Variants in ZYG11A observed in about 807,000 individuals in gnomAD.
The protein encoded by ZYG11A is protein zyg-11 homolog A.
Under a neutral mutation model 77.2 loss-of-function variants are expected in ZYG11A, and 62 were observed. The ratio of observed to expected loss-of-function variants is 0.80; its 90% confidence interval spans 0.65 to 0.99. The LOEUF (loss-of-function observed/expected upper bound fraction) is 0.99. Among genes scored for constraint, ZYG11A ranks in the 50% least tolerant of loss-of-function variants. The probability of loss-of-function intolerance (pLI) is 0.00; values close to 1 mark genes in which losing one functional copy is unlikely to be tolerated. For missense variants in ZYG11A, 828 were observed against 896.8 expected, an observed-to-expected ratio of 0.92 and a Z score of 0.98; for synonymous variants, 315 against 324.6, an observed-to-expected ratio of 0.97 and a Z score of 0.32.
chr1:52,869,451 C>G (rs80000076), intron 8 of ZYG11A, among the ~76,000 whole-genome samples: 1 of 151,018 alleles, frequency 6.6e-6, no homozygotes, highest in Admixed American at 6.6e-5. Flanking sequence ...TGACTCTTAA[C>G]GAGCCTGCTG....
chr1:52,852,815 T>C (rs147194004), intron 1 of ZYG11A, among the ~76,000 whole-genome samples: 1 of 152,196 alleles, frequency 6.6e-6, no homozygotes. Context: ...TTAAATGTGC[T>C]CAGAACTCTT....
intron 4 of ZYG11A, 29 bp from the exon 5 acceptor site, chr1:52,863,952 A>T: frequency 6.5e-7 from 1 of 1,536,076 alleles, no homozygotes; most frequent in Non-Finnish European, 8.8e-7. Flanking sequence ...TACTGGCATC[A>T]TATGCACTAA....
intron 1 of ZYG11A, among the ~76,000 whole-genome samples, chr1:52,843,177 A>G (rs1457144712): frequency 6.7e-6 from 1 of 149,872 alleles, no homozygotes; most frequent in Non-Finnish European, 1.5e-5. Context: ...GGCGCCGCGG[A>G]GCGGGGGGTG....
In ZYG11A at chr1:52,887,130, T is replaced by A. The variant is rs1571883231; in HGVS notation, c.2104+77T>A. 4.0e-6 allele frequency: 3 copies of A among 753,336 alleles called. No homozygotes were observed. In the African/African-American group the frequency reaches 5.3e-5, roughly 13 times the overall value. The allele number at this position is 753,336 out of a possible 1,614,324, so 46.7% of individuals were successfully genotyped here. ...GTGTAATGATTAAGTTCAAGATGGA[T>A]GTGCAAAAATTGTCTACCTCTGTCC... On this transcript the variant is annotated intron_variant, in intron 13 of 13. Transcript: ENST00000371528.
chr1:52,853,596 G>C (rs1645754290), intron 1 of ZYG11A, among the ~76,000 whole-genome samples: 1 of 152,138 alleles, frequency 6.6e-6, no homozygotes, highest in Admixed American at 6.6e-5. Flanking sequence ...CAGAACAGGT[G>C]ATAAGTAAAG....
Position 52,881,585 on chromosome 1 carries a change from G to C in ZYG11A, c.1864G>C (p.Gly622Arg), listed in dbSNP as rs1646362854. The C allele has an allele frequency of 6.4e-7, 1 of 1,552,248 alleles. No homozygotes were observed. Among genetic ancestry groups the C allele is most frequent in the Non-Finnish European group, 8.7e-7 (1 of 1,147,092 alleles). Residue 622 changes from glycine (G) to arginine (R), a missense_variant, in exon 11 of 14, where the codon GGT becomes CGT. By Grantham distance (125) the Gly-to-Arg change is moderately radical. Transcript: ENST00000371528. ...AATGGAAGTCAGCTATTTTGCTGCA[G>C]GTATCATAGCCCACCTGACATCTGA... ...REMEVSYFAA[G>R]IIAHLTSDRQ...
chr1:52,847,880 ATTTTTTT>A lies in ZYG11A; in HGVS notation c.90+4908_90+4914del, dbSNP rs1458859828. On this transcript the variant is annotated intron_variant, in intron 1 of 13. Coordinates refer to ENST00000371528, the MANE Select transcript of ZYG11A (RefSeq NM_001004339.3). ...TATTTATTTATTTATTTATTTATTT[ATTTTTTT>A]GAGATGGAGTCTCGCTCTGTCGCCT... Among the ~76,000 whole-genome samples, 24 of 42,800 alleles carry A rather than the reference ATTTTTTT, an allele frequency of 5.6e-4. No individual in the cohort carries two copies. The East Asian group carries it at 5.7e-3, about 10-fold the overall frequency. The allele number at this position is 42,800 out of a possible 152,430, so 28.1% of individuals were successfully genotyped here. A position where few individuals can be genotyped will look rare whatever the true frequency, so the allele number is the denominator to read the frequency against.
Position 52,894,182 on chromosome 1 carries a change from T to A in ZYG11A, c.*1225T>A, listed in dbSNP as rs547988192. On this transcript the variant is annotated 3_prime_UTR_variant, in exon 14 of 14. Transcript: ENST00000371528. ...GAGCATGACATGCTGTGTATGTGAGTGAGCTTGTAGGGCGTGGTGGGACTT... is the reference window on the plus strand; with the variant it reads ...GAGCATGACATGCTGTGTATGTGAGAGAGCTTGTAGGGCGTGGTGGGACTT... The A allele has an allele frequency of 6.6e-6, 1 of 152,098 alleles. No individual in the cohort carries two copies. Among genetic ancestry groups the A allele is most frequent in the South Asian group, 2.1e-4 (1 of 4,808 alleles). 9.4% of individuals were successfully genotyped at this position (152,098 alleles called of 1,614,324 possible).
chr1:52,867,811 A>T (rs1327220275), intron 8 of ZYG11A, 34 bp downstream of exon 8: 24 of 1,513,498 alleles, frequency 1.6e-5, no homozygotes, highest in East Asian at 2.5e-5. Flanking sequence ...ACCTTTTTTT[A>T]AAAAAAGTCA....
Position 52,857,050 on chromosome 1 carries a change from G to A in ZYG11A, c.309G>A (p.Leu103=), listed in dbSNP as rs1645825464. The A allele has an allele frequency of 3.2e-6, 5 of 1,550,056 alleles. No individual in the cohort carries two copies. The highest frequency in any genetic ancestry group is 4.4e-6 in the Non-Finnish European group (5 of 1,145,972). Reference sequence around the variant, plus strand: ...TTTTCCGAGGCAACCAAATGAAACTGAAGCTGGTCAATATCCAAAAAGCTA... The same window carrying A: ...TTTTCCGAGGCAACCAAATGAAACTAAAGCTGGTCAATATCCAAAAAGCTA... The part of the protein sequence containing the change: ...ASIFRGNQMK[L]KLVNIQKAKI... Residue 103 remains leucine, a synonymous_variant, in exon 3 of 14, where the codon CTG becomes CTA. Coordinates refer to ENST00000371528, the MANE Select transcript of ZYG11A (RefSeq NM_001004339.3).
intron 8 of ZYG11A, among the ~76,000 whole-genome samples, chr1:52,876,203 T>C (rs1646258583): frequency 6.6e-6 from 1 of 152,160 alleles, no homozygotes. Context: ...TATTGACAAA[T>C]ACGGTTAAGT....
chr1:52,870,292 C>A lies in ZYG11A; in HGVS notation c.1542+2515C>A, dbSNP rs370515573. On this transcript the variant is annotated intron_variant, in intron 8 of 13. Coordinates refer to ENST00000371528, the MANE Select transcript of ZYG11A (RefSeq NM_001004339.3). ...AGCCAGGCAGAGGGGCTCCTCACAT[C>A]CCAGACAATGGGCGGCCAGGCAGAG... Among the ~76,000 whole-genome samples, 255 of 150,250 alleles carry A rather than the reference C, an allele frequency of 1.7e-3. 7 individuals carry two copies. In the East Asian group the frequency reaches 0.043, roughly 25 times the overall value.
At chr1:52,861,854 A>C (rs1645933402) in intron 4 of ZYG11A, among the ~76,000 whole-genome samples, 1 of 152,114 alleles carries the variant, frequency 6.6e-6, no homozygotes, top group Admixed American at 6.6e-5. Flanking sequence ...CCAGGAGTTC[A>C]AGACTAGCCT....
chr1:52,861,628 C>G (rs549777824), intron 4 of ZYG11A, among the ~76,000 whole-genome samples: 3 of 151,932 alleles, frequency 2.0e-5, no homozygotes, highest in Non-Finnish European at 4.4e-5. Flanking sequence ...CGCTGGAACT[C>G]GGGAGGTGGA....
At chr1:52,852,060 G>A (rs1043031569) in intron 1 of ZYG11A, among the ~76,000 whole-genome samples, 1 of 151,778 alleles carries the variant, frequency 6.6e-6, no homozygotes, top group African/African-American at 2.4e-5. Flanking sequence ...GATTACAGGC[G>A]CCTGCCACCA....
intron 13 of ZYG11A, among the ~76,000 whole-genome samples, chr1:52,891,359 G>T (rs946874269): frequency 1.3e-5 from 2 of 151,572 alleles, no homozygotes; most frequent in African/African-American, 4.9e-5. Flanking sequence ...TGTGTGTTAT[G>T]TTGAGTGGGG....
At chr1:52,845,844 T>G (rs1645564799) in intron 1 of ZYG11A, among the ~76,000 whole-genome samples, 2 of 151,642 alleles carry the variant, frequency 1.3e-5, no homozygotes, top group Admixed American at 1.3e-4. Flanking sequence ...GCCTGGCTGT[T>G]TTTTATTTTT....
chr1:52,847,707 G>GT (rs1295904946), intron 1 of ZYG11A, among the ~76,000 whole-genome samples: 18 of 139,500 alleles, frequency 1.3e-4, no homozygotes, highest in African/African-American at 4.8e-4. Context: ...GTCTCGCTCT[G>GT]TTTCCAGGCT....
At chr1:52,890,772 A>AT (rs1407076429) in intron 13 of ZYG11A, among the ~76,000 whole-genome samples, 3 of 151,362 alleles carry the variant, frequency 2.0e-5, no homozygotes, top group Admixed American at 6.6e-5. Context: ...TAATTTTTTT[A>AT]TTTTTTGTAG....
Sources: gnomAD v4.1 joint callset for allele counts (sites outside exome capture counted in the v4.1 genomes callset) on GRCh38, gnomAD v4.1.1 for gene constraint, MANE v1.5 for transcripts, NCBI Gene and HGNC (gene_info 2026-07-23, HGNC 2026-07-21) for gene names.